The following IGSF11 variants were observed in gnomAD, a reference collection of about 807,000 sequenced individuals.
IGSF11 encodes the protein CXADR like 1.
IGSF11 carries 22 observed loss-of-function variants against 41.0 expected under a neutral mutation model. The ratio of observed to expected loss-of-function variants is 0.54; its 90% CI spans 0.38 to 0.77. The LOEUF is 0.77. Among genes scored for constraint, IGSF11 ranks in the 30% least tolerant of loss-of-function variants. IGSF11 has a pLI of 0.00. For synonymous variants in IGSF11, 219 were observed against 201.3 expected (o/e 1.09, Z -0.74); for missense variants, 444 against 530.8 (o/e 0.84, Z 1.61).
At chr3:118,968,022 C>G (rs538758981) in intron 1 of IGSF11, among the ~76,000 whole-genome samples, 1 of 152,184 alleles carries the variant, frequency 6.6e-6, no homozygotes, top group East Asian at 1.9e-4. Flanking sequence ...CAAAAAGCAC[C>G]TCAGATAAGG....
At chr3:118,904,374 C>A (rs1463554887) in intron 6 of IGSF11, among the ~76,000 whole-genome samples, 1 of 152,136 alleles carries the variant, frequency 6.6e-6, no homozygotes, top group African/African-American at 2.4e-5. Context: ...AGCCACCTAA[C>A]CCTGCCTACC....
chr3:119,010,710 T>C (rs1383650949), intron 1 of IGSF11, among the ~76,000 whole-genome samples: 1 of 152,216 alleles, frequency 6.6e-6, no homozygotes, highest in Non-Finnish European at 1.5e-5. Flanking sequence ...CATGGGACTC[T>C]CAACTTCCAA....
intron 1 of IGSF11, among the ~76,000 whole-genome samples, chr3:119,090,444 AG>A (rs1684454944): frequency 1.3e-5 from 2 of 152,238 alleles, no homozygotes; most frequent in Admixed American, 1.3e-4. Context: ...CTAAGCAAAA[AG>A]AACAAAGTTA....
rs149100409 is a variant in IGSF11, at chr3:118,982,593, A to C, written c.52+51938T>G. On this transcript the variant is annotated intron_variant, in intron 1 of 6. Transcript: ENST00000393775. Reference sequence around the variant, plus strand: ...TATCACCAAAACATGCATTTACATAAAACCCATTTCAAATAGAAAAATTAA... The same window carrying C: ...TATCACCAAAACATGCATTTACATACAACCCATTTCAAATAGAAAAATTAA... 5.1e-3 allele frequency among the ~76,000 whole-genome samples: 778 copies of C among 152,274 alleles called. 6 individuals carry two copies. The highest frequency in any genetic ancestry group is 0.017 in the African/African-American group (718 of 41,556).
chr3:118,948,072 T>C (rs1944291983), intron 1 of IGSF11: 1 of 151,192 alleles, frequency 6.6e-6, no homozygotes, highest in South Asian at 2.1e-4. Flanking sequence ...TATGTGTATA[T>C]ATACACACAT....
At chr3:119,027,172 A>C (rs1046740749) in intron 1 of IGSF11, among the ~76,000 whole-genome samples, 3 of 152,226 alleles carry the variant, frequency 2.0e-5, no homozygotes, top group African/African-American at 4.8e-5. Context: ...AAACTCATGC[A>C]TGAGTAAAAG....
At chr3:119,070,528 A>G (rs2076381865) in intron 1 of IGSF11, among the ~76,000 whole-genome samples, 1 of 152,244 alleles carries the variant, frequency 6.6e-6, no homozygotes. Flanking sequence ...ATCGTGTCCT[A>G]TCTGGACAGC....
intron 1 of IGSF11, among the ~76,000 whole-genome samples, chr3:119,011,689 C>T (rs747601805): frequency 3.3e-5 from 5 of 152,104 alleles, no homozygotes; most frequent in South Asian, 2.1e-4. Context: ...AGACTCAAGG[C>T]GGCCTGAAAT....
chr3:119,144,030 A>G (rs777114210), intron 1 of IGSF11, among the ~76,000 whole-genome samples: 4 of 152,226 alleles, frequency 2.6e-5, no homozygotes, highest in Non-Finnish European at 5.9e-5. Context: ...ACAGTTCTAC[A>G]ATAATAGTTG....
rs1297218030 is a variant in IGSF11, at chr3:119,056,553, G to A, written c.49+48591C>T. ...AATTCTACCAGAGGTACAAGGAGGG[G>A]CTGTTACCATTCCTTCTGAAACTAT... is the stretch of plus-strand genomic sequence containing the variant. On this transcript the variant is annotated intron_variant, in intron 1 of 6. Coordinates refer to the IGSF11 transcript ENST00000354673. 3.9e-5 allele frequency among the ~76,000 whole-genome samples: 6 copies of A among 152,266 alleles called. No homozygotes were observed. The South Asian group carries it at 1.0e-3, about 26-fold the overall frequency.
intron 1 of IGSF11, among the ~76,000 whole-genome samples, chr3:118,992,774 C>G (rs917744081): frequency 1.4e-4 from 21 of 151,952 alleles, no homozygotes; most frequent in Admixed American, 2.6e-4. Flanking sequence ...GTCAAAAGCA[C>G]AAGTGATAAA....
At chr3:119,010,177 A>G (rs887810405) in intron 1 of IGSF11, among the ~76,000 whole-genome samples, 10 of 152,196 alleles carry the variant, frequency 6.6e-5, no homozygotes, top group African/African-American at 2.4e-4. Context: ...CAGAGCTGAG[A>G]AGATTCCCTG....
chr3:119,132,078 T>A (rs992983871), intron 1 of IGSF11, among the ~76,000 whole-genome samples: 43 of 152,142 alleles, frequency 2.8e-4, no homozygotes, highest in African/African-American at 1.0e-3. Context: ...GAATGACCAG[T>A]ACCAGCCACT....
chr3:118,935,382 A>G (rs933877291), intron 1 of IGSF11, among the ~76,000 whole-genome samples: 1 of 117,570 alleles, frequency 8.5e-6, no homozygotes, highest in African/African-American at 3.6e-5. Flanking sequence ...ATATACACAC[A>G]CACACACACA....
chr3:119,093,479 A>T (rs1242244899), intron 1 of IGSF11, among the ~76,000 whole-genome samples: 3 of 152,134 alleles, frequency 2.0e-5, no homozygotes, highest in Non-Finnish European at 4.4e-5. Context: ...TTATGTCAGT[A>T]AATGCCTGTA....
intron 1 of IGSF11, among the ~76,000 whole-genome samples, chr3:118,955,172 C>A (rs1292533380): frequency 6.6e-6 from 1 of 151,592 alleles, no homozygotes; most frequent in Admixed American, 6.6e-5. Context: ...GCCCATCAAT[C>A]AATGAGTGGA....
chr3:119,009,673 C>T (rs1405190421), intron 1 of IGSF11, among the ~76,000 whole-genome samples: 1 of 152,064 alleles, frequency 6.6e-6, no homozygotes, highest in African/African-American at 2.4e-5. Flanking sequence ...AGTGTGAGAA[C>T]GAATACAATG....
chr3:119,135,721 C>A (rs2077551747), intron 1 of IGSF11, among the ~76,000 whole-genome samples: 1 of 152,022 alleles, frequency 6.6e-6, no homozygotes, highest in Admixed American at 6.6e-5. Context: ...GGGTATATAC[C>A]CAAAGGATTA....
At chr3:119,068,299 A>G (rs1559848394) in intron 1 of IGSF11, among the ~76,000 whole-genome samples, 1 of 152,220 alleles carries the variant, frequency 6.6e-6, no homozygotes, top group Non-Finnish European at 1.5e-5. Context: ...ACTTCTACCT[A>G]TAAGGGAGGC....
Sources: allele counts gnomAD v4.1 joint callset (sites outside exome capture counted in the v4.1 genomes callset), GRCh38; gene constraint gnomAD v4.1.1; transcripts MANE v1.5; gene names NCBI Gene and HGNC (gene_info 2026-07-23, HGNC 2026-07-21).